NRXN1: variants seen among roughly 807,000 people sequenced by gnomAD.
NRXN1 encodes neurexin-1.
In NRXN1, 39 loss-of-function variants were observed where a neutral mutation model predicts 150.9. The ratio of observed to expected loss-of-function variants is 0.26; its 90% CI spans 0.20 to 0.34. The LOEUF (loss-of-function observed/expected upper bound fraction) is 0.34, where lower values mean the gene tolerates loss of function less well. Ranked by LOEUF, NRXN1 falls within the 10% of genes least tolerant of loss-of-function variation. NRXN1 has a pLI of 1.00. For synonymous variants in NRXN1, 924 were observed against 757.0 expected, an observed-to-expected ratio of 1.22 and a Z score of -3.62; for missense variants, 1,815 against 1,949.9, an observed-to-expected ratio of 0.93 and a Z score of 1.30.
intron 5 of NRXN1, among the ~76,000 whole-genome samples, chr2:50,651,601 C>T (rs896932512): frequency 3.3e-5 from 5 of 151,918 alleles, no homozygotes; most frequent in Non-Finnish European, 7.4e-5. Context: ...GAGGCTGCAG[C>T]GAGCTGTAAA....
chr2:50,443,190 C>G (rs112723916), intron 17 of NRXN1, among the ~76,000 whole-genome samples: 79 of 152,068 alleles, frequency 5.2e-4, no homozygotes, highest in African/African-American at 1.8e-3. Flanking sequence ...TTAGTACAAT[C>G]CATTAAATAA....
chr2:50,593,662 G>T (rs1160544119), intron 8 of NRXN1, among the ~76,000 whole-genome samples: 2 of 152,114 alleles, frequency 1.3e-5, no homozygotes, highest in Non-Finnish European at 2.9e-5. Context: ...TTTATTTGTT[G>T]CTTGCAAAGG....
At chr2:50,135,508 C>T (rs1048439062) in intron 18 of NRXN1, among the ~76,000 whole-genome samples, 1 of 152,006 alleles carries the variant, frequency 6.6e-6, no homozygotes, top group African/African-American at 2.4e-5. Flanking sequence ...CTGGCTAACA[C>T]AGTGAAACCC....
chr2:50,192,229 A>AG (rs2061489042), intron 18 of NRXN1, among the ~76,000 whole-genome samples: 1 of 152,220 alleles, frequency 6.6e-6, no homozygotes, highest in Admixed American at 6.5e-5. Flanking sequence ...TCAGTGTAAT[A>AG]AGAAATCTGT....
chr2:50,183,591 G>C (rs2060878196), intron 18 of NRXN1, among the ~76,000 whole-genome samples: 1 of 151,110 alleles, frequency 6.6e-6, no homozygotes, highest in South Asian at 2.1e-4. Flanking sequence ...TTTGTAGACA[G>C]TGTTTCAACC....
chr2:49,970,193 G>A (rs1677706310), intron 21 of NRXN1: 1 of 152,016 alleles, frequency 6.6e-6, no homozygotes, highest in African/African-American at 2.4e-5. Context: ...TTATTCCCAA[G>A]AAGATGAATT....
chr2:50,849,053 A>G (rs539704276), intron 5 of NRXN1, among the ~76,000 whole-genome samples: 1 of 152,332 alleles, frequency 6.6e-6, no homozygotes, highest in South Asian at 2.1e-4. Context: ...TGGTTACAAC[A>G]TTCTTCAAAG....
intron 18 of NRXN1, among the ~76,000 whole-genome samples, chr2:50,110,039 T>G (rs1011686469): frequency 3.9e-5 from 6 of 152,182 alleles, no homozygotes; most frequent in Non-Finnish European, 5.9e-5. Context: ...AAGAGGAAAC[T>G]TTATTATGCA....
Position 50,797,304 on chromosome 2 carries a change from T to G in NRXN1, c.832+124565A>C, listed in dbSNP as rs557222473. On this transcript the variant is annotated intron_variant, in intron 5 of 22. Coordinates refer to ENST00000401669, the MANE Select transcript of NRXN1 (RefSeq NM_001330078.2). Reference sequence around the variant, plus strand: ...ATGCAGCAACGGCATTTGCAACCAATATCCAGGTGTAGACAGTAGTTCTCA... The same window carrying G: ...ATGCAGCAACGGCATTTGCAACCAAGATCCAGGTGTAGACAGTAGTTCTCA... 4.6e-5 allele frequency among the ~76,000 whole-genome samples: 7 copies of G among 152,262 alleles called. No homozygotes were observed. The East Asian group carries it at 1.4e-3, about 29-fold the overall frequency.
intron 5 of NRXN1, among the ~76,000 whole-genome samples, chr2:50,709,868 C>T (rs1466612728): frequency 5.3e-5 from 8 of 152,164 alleles, no homozygotes; most frequent in Non-Finnish European, 1.2e-4. Flanking sequence ...CCTCTAAGAT[C>T]ACAAGGCTAT....
chr2:50,271,394 C>G (rs1002543361), intron 17 of NRXN1, among the ~76,000 whole-genome samples: 4 of 152,166 alleles, frequency 2.6e-5, no homozygotes, highest in Admixed American at 6.6e-5. Flanking sequence ...CTCTTTCACT[C>G]TCAGCATCCA....
In NRXN1 at chr2:50,051,032, A is replaced by G. The variant is rs906713656; in HGVS notation, c.4128+2239T>C. ...AAGTCAATATCTCCTCAAATGAACC[A>G]AGTATTCACTAATTAATTAGATCAT... On this transcript the variant is annotated intron_variant, in intron 21 of 22. Transcript: ENST00000401669. Among the ~76,000 whole-genome samples, 5 of 151,986 alleles carry G rather than the reference A, an allele frequency of 3.3e-5. 1 individual carries two copies. Among genetic ancestry groups the G allele is most frequent in the Admixed American group, 6.6e-5 (1 of 15,246 alleles).
At chr2:50,391,184 T>G (rs570020900) in intron 17 of NRXN1, among the ~76,000 whole-genome samples, 5 of 150,602 alleles carry the variant, frequency 3.3e-5, no homozygotes, top group African/African-American at 1.2e-4. Context: ...GTCTCAGATA[T>G]GTTAGAGAGT....
At chr2:50,023,622 G>T (rs1209411467) in intron 21 of NRXN1, 2 of 152,170 alleles carry the variant, frequency 1.3e-5, no homozygotes. Context: ...CAAAGCTAAT[G>T]AATTGACCTT....
intron 5 of NRXN1, among the ~76,000 whole-genome samples, chr2:50,781,510 G>C (rs1405308088): frequency 6.6e-6 from 1 of 152,184 alleles, no homozygotes; most frequent in Non-Finnish European, 1.5e-5. Context: ...GAAGGAGAGT[G>C]ATTCAAAGGC....
intron 5 of NRXN1, among the ~76,000 whole-genome samples, chr2:50,889,240 T>G (rs1270445503): frequency 6.6e-6 from 1 of 151,744 alleles, no homozygotes; most frequent in Non-Finnish European, 1.5e-5. Flanking sequence ...AAATGTGCCC[T>G]CTTTCTTTCT....
intron 3 of NRXN1, among the ~76,000 whole-genome samples, chr2:50,924,198 A>G (rs1347248842): frequency 1.3e-5 from 2 of 151,926 alleles, no homozygotes; most frequent in East Asian, 3.9e-4. Context: ...TATATTAGGT[A>G]CTTCCAACGG....
At chr2:50,125,905 C>T (rs1704518536) in intron 18 of NRXN1, among the ~76,000 whole-genome samples, 1 of 151,980 alleles carries the variant, frequency 6.6e-6, no homozygotes, top group African/African-American at 2.4e-5. Flanking sequence ...TGTGGTATAA[C>T]CTAACTAAGA....
At chr2:50,416,796 C>T (rs531713619) in intron 17 of NRXN1, among the ~76,000 whole-genome samples, 3 of 152,162 alleles carry the variant, frequency 2.0e-5, no homozygotes, top group Admixed American at 2.0e-4. Context: ...ATGGGGGTTA[C>T]CACCCCCATT....
Sources: gnomAD v4.1 joint callset for allele counts (sites outside exome capture counted in the v4.1 genomes callset) on GRCh38, gnomAD v4.1.1 for gene constraint, MANE v1.5 for transcripts, NCBI Gene and HGNC (gene_info 2026-07-23, HGNC 2026-07-21) for gene names.